PHF20L1: variants seen among roughly 807,000 people sequenced by gnomAD.
PHF20L1 encodes PHD finger protein 20 like 1.
PHF20L1 carries 44 observed loss-of-function variants against 125.5 expected under a neutral mutation model. The observed-to-expected ratio is 0.35, with a 90% confidence interval of 0.28 to 0.45. The LOEUF (loss-of-function observed/expected upper bound fraction) is 0.45. PHF20L1 is among the 20% of genes least tolerant of loss of function. The probability of loss-of-function intolerance (pLI) is 1.00; values close to 1 mark genes in which losing one functional copy is unlikely to be tolerated. For synonymous variants in PHF20L1, 380 were observed against 403.1 expected, an observed-to-expected ratio of 0.94 and a Z score of 0.69; for missense variants, 1,012 against 1,217.2, an observed-to-expected ratio of 0.83 and a Z score of 2.51.
chr8:132,829,829 A>G (rs1469992916), intron 14 of PHF20L1, among the ~76,000 whole-genome samples: 1 of 152,072 alleles, frequency 6.6e-6, no homozygotes, highest in Non-Finnish European at 1.5e-5. Flanking sequence ...TCAATTCTTT[A>G]CTAGCAGTCC....
At chr8:132,827,808 T>A (rs970807155) in intron 14 of PHF20L1, among the ~76,000 whole-genome samples, 1 of 152,054 alleles carries the variant, frequency 6.6e-6, no homozygotes, top group African/African-American at 2.4e-5. Context: ...ACCTTATATA[T>A]TTGTTTACAT....
At chr8:132,841,036 T>C (rs1389404217) in intron 18 of PHF20L1, among the ~76,000 whole-genome samples, 1 of 152,018 alleles carries the variant, frequency 6.6e-6, no homozygotes, top group Admixed American at 6.6e-5. Context: ...GGGAATAATT[T>C]ATTAGGTCTT....
At chr8:132,826,242 A>G (rs541709709) in intron 14 of PHF20L1, 169 of 151,690 alleles carry the variant, frequency 1.1e-3, no homozygotes, top group African/African-American at 3.9e-3. Context: ...TTGTTAAAAC[A>G]TAGTGAAGTC....
rs919965901 is a variant in PHF20L1 at position 132,816,771 on chromosome 8, T to C, written c.1184-117T>C. 37 of 718,372 alleles carry C rather than the reference T, an allele frequency of 5.2e-5. No individual in the cohort carries two copies. The South Asian group carries it at 6.2e-4, about 12-fold the overall frequency. The allele number at this position is 718,372 out of a possible 1,614,324, so 44.5% of individuals were successfully genotyped here. On this transcript the variant is annotated intron_variant, in intron 10 of 20. Coordinates refer to ENST00000395386, the MANE Select transcript of PHF20L1 (RefSeq NM_016018.5). Reference sequence around the variant, plus strand: ...TGGAACATGCCATTCCTTGTGGATATCTTATAACAACATCAGAGGGAAGAA... The same window carrying C: ...TGGAACATGCCATTCCTTGTGGATACCTTATAACAACATCAGAGGGAAGAA...
chr8:132,814,980 G>A, intron 10 of PHF20L1, 91 bp downstream of exon 10: 1 of 1,076,138 alleles, frequency 9.3e-7, no homozygotes, highest in Non-Finnish European at 1.3e-6. Context: ...TTATGAAGTT[G>A]CTTTTTAAAA....
intron 2 of PHF20L1, among the ~76,000 whole-genome samples, chr8:132,783,158 T>G (rs990410222): frequency 6.6e-6 from 1 of 152,178 alleles, no homozygotes; most frequent in African/African-American, 2.4e-5. Context: ...ATTTAAAACA[T>G]TCAGATGAGA....
At chr8:132,837,521 AAGT>A (rs1177443957) in intron 16 of PHF20L1, among the ~76,000 whole-genome samples, 188 bp from the exon 17 acceptor site, 2 of 152,172 alleles carry the variant, frequency 1.3e-5, no homozygotes, top group Non-Finnish European at 2.9e-5. Flanking sequence ...AAAGTTCGTG[AAGT>A]AGTTGACCAT....
chr8:132,811,730 G>C (rs1394888274), intron 9 of PHF20L1: 1 of 985,024 alleles, frequency 1.0e-6, no homozygotes, highest in Non-Finnish European at 1.2e-6. Context: ...CACAATACTT[G>C]TACATAATGA....
At chr8:132,844,375 A>C in intron 20 of PHF20L1, 57 bp downstream of exon 20, 2 of 1,387,718 alleles carry the variant, frequency 1.4e-6, no homozygotes, top group Middle Eastern at 3.6e-4. Flanking sequence ...GTTACTATGA[A>C]GAAGTTACTT....
In PHF20L1 at chr8:132,794,505, G is replaced by A. The variant is rs1832156919; in HGVS notation, c.179G>A (p.Trp60Ter). The change falls in exon 3 of 21, where the codon TGG becomes TAG. Residue 60 changes from tryptophan (W) to a stop codon, truncating the protein, a stop_gained. Transcript: ENST00000395386. LOFTEE classifies it high-confidence loss of function. ...WSHRYDEWIY[W>*]DSNRLRPLER... ...CATCGTTATGATGAGTGGATTTACTGGGATAGCAATAGATTGCGACCCCTT... is the reference window on the plus strand; with the variant it reads ...CATCGTTATGATGAGTGGATTTACTAGGATAGCAATAGATTGCGACCCCTT... 6.2e-7 allele frequency: 1 copy of A among 1,610,728 alleles called. No individual in the cohort carries two copies. The highest frequency in any genetic ancestry group is 1.3e-5 in the African/African-American group (1 of 74,948).
intron 6 of PHF20L1, among the ~76,000 whole-genome samples, chr8:132,802,766 C>T (rs995447171): frequency 4.0e-5 from 6 of 151,766 alleles, no homozygotes; most frequent in Non-Finnish European, 7.4e-5. Flanking sequence ...TGTTAATCTA[C>T]ATTGTTCATT....
intron 8 of PHF20L1, chr8:132,807,154 A>G (rs1833818074): frequency 6.6e-6 from 1 of 152,632 alleles, no homozygotes; most frequent in African/African-American, 2.4e-5. Context: ...GTATACACAT[A>G]TACATATATC....
At chr8:132,819,635 A>G (rs1379105326) in intron 12 of PHF20L1, among the ~76,000 whole-genome samples, 1 of 150,526 alleles carries the variant, frequency 6.6e-6, no homozygotes, top group African/African-American at 2.4e-5. Context: ...TCTGTTCCCC[A>G]AGTCCTTTTA....
At position 132,817,265 on chromosome 8, in the gene PHF20L1, CTT is replaced by C; in HGVS notation, c.1373-72_1373-71del. On this transcript the variant is annotated intron_variant, in intron 11 of 20. Coordinates refer to ENST00000395386, the MANE Select transcript of PHF20L1 (RefSeq NM_016018.5). ...CAGGCACTGTTTAAATTATGTAACACTTTAATTCACAGTGATAGTAACTGAGC... is the reference window on the plus strand; with the variant it reads ...CAGGCACTGTTTAAATTATGTAACACTAATTCACAGTGATAGTAACTGAGC... 3.1e-6 allele frequency: 4 copies of C among 1,275,372 alleles called. No individual in the cohort carries two copies. The South Asian group carries it at 5.3e-5, about 17-fold the overall frequency. 79.0% of individuals were successfully genotyped at this position (1,275,372 alleles called of 1,614,324 possible).
At chr8:132,833,733 C>T (rs577391226) in intron 15 of PHF20L1, among the ~76,000 whole-genome samples, 16 of 152,192 alleles carry the variant, frequency 1.1e-4, no homozygotes, top group South Asian at 1.0e-3. Flanking sequence ...GAAACAAGAA[C>T]CCTTGAAAGA....
At position 132,839,466 on chromosome 8, in the gene PHF20L1, A is replaced by T. The variant is rs769378130; in HGVS notation, c.2271A>T (p.Lys757Asn). The T allele has an allele frequency of 5.6e-6, 9 of 1,613,216 alleles. No individual in the cohort carries two copies. Among genetic ancestry groups the T allele is most frequent in the Non-Finnish European group, 7.6e-6 (9 of 1,179,390 alleles). Residue 757 changes from lysine to asparagine, a missense_variant, in exon 18 of 21, where the codon AAA becomes AAT. Coordinates refer to ENST00000395386, the MANE Select transcript of PHF20L1 (RefSeq NM_016018.5). ...NGRMCGLSFFKENYSHLNAKK... is the reference protein window; with the variant it reads ...NGRMCGLSFFNENYSHLNAKK... ...GAATGTGCGGGTTATCATTTTTCAAAGAAAATTATTCTCATCTCAATGCCA... is the reference window on the plus strand; with the variant it reads ...GAATGTGCGGGTTATCATTTTTCAATGAAAATTATTCTCATCTCAATGCCA...
chr8:132,833,472 C>T (rs1173734302), intron 15 of PHF20L1, among the ~76,000 whole-genome samples: 1 of 152,046 alleles, frequency 6.6e-6, no homozygotes, highest in Non-Finnish European at 1.5e-5. Flanking sequence ...GTTCTTCACC[C>T]CCGGTGAACC....
intron 18 of PHF20L1, chr8:132,841,723 C>T (rs898587971): frequency 2.6e-5 from 4 of 151,974 alleles, no homozygotes; most frequent in Admixed American, 1.3e-4. Flanking sequence ...TAGTATAATC[C>T]CTTTTGAGGT....
rs1183180312 is a variant in PHF20L1, at chr8:132,839,647, T to C, written c.2387+65T>C. 4 of 1,142,870 alleles carry C rather than the reference T, an allele frequency of 3.5e-6. No individual in the cohort carries two copies. In the Admixed American group the frequency reaches 7.2e-5, roughly 21 times the overall value. The allele number at this position is 1,142,870 out of a possible 1,614,324, so 70.8% of individuals were successfully genotyped here. A position where few individuals can be genotyped will look rare whatever the true frequency, so the allele number is the denominator to read the frequency against. ...GACGTTTTAATTCAAACCAACACTG[T>C]TGGCCTTTTGATGGTCCAGAGTAAC... On this transcript the variant is annotated intron_variant, in intron 18 of 20. Coordinates refer to ENST00000395386, the MANE Select transcript of PHF20L1 (RefSeq NM_016018.5).
Sources: gnomAD v4.1 joint callset for allele counts (sites outside exome capture counted in the v4.1 genomes callset) on GRCh38, gnomAD v4.1.1 for gene constraint, MANE v1.5 for transcripts, NCBI Gene and HGNC (gene_info 2026-07-23, HGNC 2026-07-21) for gene names.